DAB1: variants seen among roughly 807,000 people sequenced by gnomAD.
DAB1 encodes disabled homolog 1.
DAB1 carries 15 observed loss-of-function variants against 64.6 expected under a neutral mutation model. That is an observed-to-expected ratio of 0.23 (90% CI 0.16 to 0.36). The LOEUF (loss-of-function observed/expected upper bound fraction) is 0.36, where lower values mean the gene tolerates loss of function less well. DAB1 is among the 10% of genes least tolerant of loss of function. The probability of loss-of-function intolerance (pLI) is 1.00; values close to 1 mark genes in which losing one functional copy is unlikely to be tolerated. For missense variants in DAB1, 596 were observed against 706.7 expected (o/e 0.84, Z 1.78); for synonymous variants, 235 against 251.9 (o/e 0.93, Z 0.64).
intron 3 of DAB1, among the ~76,000 whole-genome samples, chr1:58,348,427 CA>C (rs374100505): frequency 8.2e-5 from 12 of 146,010 alleles, no homozygotes; most frequent in African/African-American, 2.0e-4. Flanking sequence ...GCTGTAGTTA[CA>C]AAAAAAAAAG....
chr1:58,535,624 C>A (rs1646504866), intron 1 of DAB1, among the ~76,000 whole-genome samples: 1 of 148,974 alleles, frequency 6.7e-6, no homozygotes, highest in South Asian at 2.1e-4. Context: ...AAGATTCAGC[C>A]ATGCCAAAGC....
chr1:57,914,222 T>G (rs1644691287), intron 5 of DAB1, among the ~76,000 whole-genome samples: 1 of 152,000 alleles, frequency 6.6e-6, no homozygotes, highest in Admixed American at 6.6e-5. Flanking sequence ...TAGACTGGAT[T>G]AAGAAAATGT....
intron 7 of DAB1, among the ~76,000 whole-genome samples, chr1:57,475,961 AC>A (rs1643930671): frequency 6.6e-6 from 1 of 152,098 alleles, no homozygotes; most frequent in Non-Finnish European, 1.5e-5. Flanking sequence ...GCAGTGGCTC[AC>A]CCCTGTTATC....
chr1:57,556,447 T>TG (rs1239246845), intron 7 of DAB1, among the ~76,000 whole-genome samples: 1 of 152,184 alleles, frequency 6.6e-6, no homozygotes, highest in Non-Finnish European at 1.5e-5. Context: ...TCTATTTTTT[T>TG]TTTTAAATTT....
Position 57,634,987 on chromosome 1 carries a change from G to C in DAB1, n.625+14605C>G, listed in dbSNP as rs1295570940. Among the ~76,000 whole-genome samples the C allele has an allele frequency of 2.0e-5, 3 of 152,152 alleles. No homozygotes were observed. The South Asian group carries it at 6.2e-4, about 32-fold the overall frequency. ...GGGTAAGCCATGCAGATGTCTGGAG[G>C]ACAGTCTAGGCAGAGGGACGGCCAG... On this transcript the variant is annotated intron_variant and non_coding_transcript_variant, in intron 7 of 20. Transcript: ENST00000485760.
At chr1:58,091,823 C>T (rs1408969631) in intron 5 of DAB1, among the ~76,000 whole-genome samples, 4 of 152,096 alleles carry the variant, frequency 2.6e-5, no homozygotes, top group South Asian at 4.2e-4. Context: ...AAACTAATTA[C>T]TCCTCTTACA....
chr1:57,738,650 T>G (rs1647813191), intron 6 of DAB1, among the ~76,000 whole-genome samples: 2 of 152,192 alleles, frequency 1.3e-5, no homozygotes, highest in African/African-American at 4.8e-5. Context: ...CAGCACTGAG[T>G]GCATTTCTTT....
At chr1:57,827,439 T>A (rs541747248) in intron 1 of DAB1, among the ~76,000 whole-genome samples, 1 of 152,344 alleles carries the variant, frequency 6.6e-6, no homozygotes, top group African/African-American at 2.4e-5. Context: ...AGCCATTCTG[T>A]GACCTTGGGC....
At chr1:57,765,318 C>T (rs1489633406) in intron 6 of DAB1, among the ~76,000 whole-genome samples, 1 of 152,186 alleles carries the variant, frequency 6.6e-6, no homozygotes, top group Non-Finnish European at 1.5e-5. Flanking sequence ...ATACACTCAG[C>T]AGCTGGTCTA....
intron 7 of DAB1, among the ~76,000 whole-genome samples, chr1:57,435,845 T>C (rs779225682): frequency 4.6e-5 from 7 of 151,420 alleles, no homozygotes; most frequent in South Asian, 2.1e-4. Flanking sequence ...TCCAGAAACA[T>C]AGTCATTTAT....
At chr1:57,897,519 A>G (rs1189769281) in intron 5 of DAB1, among the ~76,000 whole-genome samples, 1 of 152,164 alleles carries the variant, frequency 6.6e-6, no homozygotes, top group Non-Finnish European at 1.5e-5. Context: ...CTTTGGTTGG[A>G]GGCAGCTTCA....
chr1:57,763,689 T>C (rs565767325), intron 6 of DAB1, among the ~76,000 whole-genome samples: 1 of 152,142 alleles, frequency 6.6e-6, no homozygotes, highest in South Asian at 2.1e-4. Context: ...TAAAGAAAAG[T>C]AATTAATTGC....
At chr1:57,712,837 GGT>G (rs1409361960) in intron 6 of DAB1, among the ~76,000 whole-genome samples, 1 of 152,096 alleles carries the variant, frequency 6.6e-6, no homozygotes, top group East Asian at 1.9e-4. Flanking sequence ...TTTTAATTCA[GGT>G]ATTTTAAGTT....
intron 7 of DAB1, among the ~76,000 whole-genome samples, chr1:57,497,762 G>T (rs1268436033): frequency 6.6e-6 from 1 of 152,244 alleles, no homozygotes; most frequent in Non-Finnish European, 1.5e-5. Flanking sequence ...TGGAGGAATA[G>T]ATAGAAGTCA....
At chr1:58,337,075 A>G (rs1663135402) in intron 4 of DAB1, among the ~76,000 whole-genome samples, 1 of 152,110 alleles carries the variant, frequency 6.6e-6, no homozygotes, top group Non-Finnish European at 1.5e-5. Flanking sequence ...TGAGGTCAGG[A>G]GTTTGAGACC....
chr1:57,069,314 TG>T lies in DAB1; in HGVS notation c.663+45del, dbSNP rs750785244. The T allele has an allele frequency of 3.1e-5, 45 of 1,431,610 alleles. 1 individual carries two copies. In the East Asian group the frequency reaches 9.6e-4, roughly 30 times the overall value. 88.7% of individuals were successfully genotyped at this position (1,431,610 alleles called of 1,614,324 possible). A position where few individuals can be genotyped will look rare whatever the true frequency, so the allele number is the denominator to read the frequency against. The stretch of plus-strand genomic sequence containing the variant: ...TTTAGACTATCAGTACATTTATGCA[TG>T]TACTAGTAGTGGTGCAATGGTAAGA... On this transcript the variant is annotated intron_variant, in intron 8 of 14. Coordinates refer to ENST00000371236, the MANE Select transcript of DAB1 (RefSeq NM_001365792.1).
chr1:57,991,029 A>G (rs191876072), intron 5 of DAB1, among the ~76,000 whole-genome samples: 105 of 152,292 alleles, frequency 6.9e-4, no homozygotes, highest in Non-Finnish European at 1.1e-3. Context: ...TGGGCTCTGT[A>G]TGATGCCATC....
intron 7 of DAB1, among the ~76,000 whole-genome samples, chr1:57,560,032 C>T (rs890213286): frequency 6.6e-6 from 1 of 152,250 alleles, no homozygotes; most frequent in African/African-American, 2.4e-5. Flanking sequence ...ATTGCAACTG[C>T]TGTACCAGAT....
At chr1:57,179,306 G>C (rs115748277) in intron 2 of DAB1, among the ~76,000 whole-genome samples, 10 of 152,112 alleles carry the variant, frequency 6.6e-5, no homozygotes, top group African/African-American at 2.4e-4. Context: ...GTGGATCAAC[G>C]CCTAAAGCAG....
Sources: allele counts gnomAD v4.1 joint callset (sites outside exome capture counted in the v4.1 genomes callset), GRCh38; gene constraint gnomAD v4.1.1; transcripts MANE v1.5; gene names NCBI Gene and HGNC (gene_info 2026-07-23, HGNC 2026-07-21).